The following CGGBP1 variants were observed in gnomAD, a reference collection of about 807,000 sequenced individuals.
CGGBP1 encodes the protein CGG triplet repeat binding protein 1.
In CGGBP1, 4 loss-of-function variants were observed where a neutral mutation model predicts 11.4. The ratio of observed to expected loss-of-function variants is 0.35; its 90% CI spans 0.17 to 0.80. The LOEUF is 0.80. CGGBP1 is among the 30% of genes least tolerant of loss of function. The pLI is 0.52. For missense variants in CGGBP1, 135 were observed against 202.1 expected, an observed-to-expected ratio of 0.67 and a Z score of 2.01; for synonymous variants, 76 against 74.1, an observed-to-expected ratio of 1.03 and a Z score of -0.13.
At chr3:88,139,761 G>A (rs1707004030) in intron 2 of CGGBP1, 1 of 1,554,430 alleles carries the variant, frequency 6.4e-7, no homozygotes, top group African/African-American at 1.4e-5. Flanking sequence ...TGAATGTGGG[G>A]ATGATTATGA....
intron 2 of CGGBP1, among the ~76,000 whole-genome samples, chr3:88,130,202 C>T (rs1706362326): frequency 1.3e-5 from 2 of 152,044 alleles, no homozygotes. Context: ...AAAATAAAAA[C>T]ACTCTTCAGG....
chr3:88,119,507 AATGTGCACG>A (rs1391982677), intron 2 of CGGBP1, among the ~76,000 whole-genome samples: 1 of 151,168 alleles, frequency 6.6e-6, no homozygotes, highest in Non-Finnish European at 1.5e-5. Context: ...TAACCTGCAC[AATGTGCACG>A]TGTACCCTAA....
intron 2 of CGGBP1, among the ~76,000 whole-genome samples, chr3:88,094,486 GTA>G (rs1703939087): frequency 1.3e-5 from 2 of 152,066 alleles, no homozygotes; most frequent in Admixed American, 1.3e-4. Flanking sequence ...ACCTACATTA[GTA>G]TTTATATCAG....
At chr3:88,090,742 G>T (rs189645966) in intron 2 of CGGBP1, among the ~76,000 whole-genome samples, 375 of 152,234 alleles carry the variant, frequency 2.5e-3, no homozygotes, top group Non-Finnish European at 4.2e-3. Flanking sequence ...CACATAAACA[G>T]CTTTTATCTT....
At chr3:88,142,663 GA>G (rs1421845784) in intron 1 of CGGBP1, 2 of 152,268 alleles carry the variant, frequency 1.3e-5, no homozygotes, top group Non-Finnish European at 3.0e-5. Context: ...ATCAGGTTGA[GA>G]AATCATTCAT....
At chr3:88,060,232 C>T (rs1681769028), upstream of CGGBP1, among the ~76,000 whole-genome samples, 1 of 152,134 alleles carries the variant, frequency 6.6e-6, no homozygotes, top group Non-Finnish European at 1.5e-5. Context: ...CCCCCCTCAT[C>T]CTTCAATATA....
chr3:88,110,094 A>G (rs1704997969), intron 2 of CGGBP1, among the ~76,000 whole-genome samples: 2 of 152,154 alleles, frequency 1.3e-5, no homozygotes, highest in South Asian at 4.1e-4. Context: ...TAATGGTTGT[A>G]CTATGTTATT....
chr3:88,091,970 G>T (rs1708655511), intron 2 of CGGBP1, among the ~76,000 whole-genome samples: 1 of 152,256 alleles, frequency 6.6e-6, no homozygotes, highest in Admixed American at 6.5e-5. Context: ...TACTGCCCAT[G>T]TAAAAAATAA....
At chr3:88,117,917 T>A (rs1553698463) in intron 2 of CGGBP1, among the ~76,000 whole-genome samples, 1 of 149,272 alleles carries the variant, frequency 6.7e-6, no homozygotes, top group Non-Finnish European at 1.5e-5. Context: ...TGTCTGGAAC[T>A]TACCAGTACT....
chr3:88,055,211 AT>A lies in CGGBP1; in HGVS notation c.*261del. 1 of 311,528 alleles carries A rather than the reference AT, an allele frequency of 3.2e-6. No individual in the cohort carries two copies. The highest frequency in any genetic ancestry group is 5.8e-6 in the Non-Finnish European group (1 of 171,248). The allele number at this position is 311,528 out of a possible 1,614,324, so 19.3% of individuals were successfully genotyped here. A position where few individuals can be genotyped will look rare whatever the true frequency, so the allele number is the denominator to read the frequency against. On this transcript the variant is annotated 3_prime_UTR_variant, in exon 4 of 4. Coordinates refer to ENST00000482016, the MANE Select transcript of CGGBP1 (RefSeq NM_001008390.2). This position sits in a 1 kb window ranked among gnomAD's most constrained non-coding sequence, Gnocchi z 4.2. The stretch of plus-strand genomic sequence containing the variant: ...GCACAAACATTTCAGGAGAAAAACC[AT>A]TAATTTTAAAGATAACCATCAGGTT...
rs1008900028 is a variant in CGGBP1 at position 88,139,706 on chromosome 3, T to C, written c.-229+1264A>G. On this transcript the variant is annotated intron_variant, in intron 2 of 3. Coordinates refer to the CGGBP1 transcript ENST00000462901. ...ATGTTATTGAAAATGTTATTGAAAA[T>C]GGCAGTCCTAATAATTCTTTAAATA... The C allele has an allele frequency of 7.0e-6, 11 of 1,576,910 alleles. No individual in the cohort carries two copies. The African/African-American group carries it at 8.1e-5, about 12-fold the overall frequency.
chr3:88,121,946 A>C (rs976222956), intron 2 of CGGBP1, among the ~76,000 whole-genome samples: 1 of 152,168 alleles, frequency 6.6e-6, no homozygotes, highest in Non-Finnish European at 1.5e-5. Context: ...AAAGTTACTT[A>C]TTATTGAGAA....
At chr3:88,057,663 ACTTT>A (rs1706589358) in intron 2 of CGGBP1, 1 of 152,226 alleles carries the variant, frequency 6.6e-6, no homozygotes, top group South Asian at 2.1e-4. Flanking sequence ...GTTAAGTCTT[ACTTT>A]CTATGTAAAA....
In CGGBP1 at chr3:88,058,139, TCA is replaced by T. The variant is rs1055178243; in HGVS notation, c.-248_-247del. ...GTTCAACCCCGGAGATGCCTTCAAA[TCA>T]GTTTTTCAACAAGTGGTGGTGGGGA... On this transcript the variant is annotated 5_prime_UTR_variant, in exon 2 of 4. It removes the in-frame stop codon of an upstream open reading frame in the 5' UTR. Transcript: ENST00000482016. 7 of 152,204 alleles carry T rather than the reference TCA, an allele frequency of 4.6e-5. No homozygotes were observed. The highest frequency in any genetic ancestry group is 1.4e-4 in the African/African-American group (6 of 41,440). The allele number at this position is 152,204 out of a possible 1,614,324, so 9.4% of individuals were successfully genotyped here.
chr3:88,060,115 T>C (rs1409666362), upstream of CGGBP1, among the ~76,000 whole-genome samples: 1 of 152,082 alleles, frequency 6.6e-6, no homozygotes, highest in Non-Finnish European at 1.5e-5. Flanking sequence ...GCAATGTGAT[T>C]GTCTTTTTTT....
rs1489124669 is a variant in CGGBP1 at position 88,141,706 on chromosome 3, AT to A, written c.-337-629del. ...CAAGCAGTAGTGTGAAAAAAGCACT[AT>A]AAGAAAATGCATCATCAGTTTGCTA... On this transcript the variant is annotated intron_variant, in intron 1 of 3. Coordinates refer to the CGGBP1 transcript ENST00000462901. 6 of 1,379,248 alleles carry A rather than the reference AT, an allele frequency of 4.4e-6. No individual in the cohort carries two copies. The African/African-American group carries it at 7.2e-5, about 16-fold the overall frequency. 85.4% of individuals were successfully genotyped at this position (1,379,248 alleles called of 1,614,324 possible). A position where few individuals can be genotyped will look rare whatever the true frequency, so the allele number is the denominator to read the frequency against.
At chr3:88,065,150 G>GGATA (rs1309175939) in intron 2 of CGGBP1, among the ~76,000 whole-genome samples, 1 of 152,082 alleles carries the variant, frequency 6.6e-6, no homozygotes, top group East Asian at 1.9e-4. Context: ...GGCACATTTG[G>GGATA]GATATTTCAA....
upstream of CGGBP1, chr3:88,059,150 A>G (rs976193227): frequency 2.3e-6 from 3 of 1,298,582 alleles, no homozygotes; most frequent in African/African-American, 3.0e-5. Context: ...TCCAATAAAA[A>G]CTGGGGGCGT....
rs552820383 is a variant in CGGBP1, at chr3:88,127,594, TAGACAA to T, written c.-229+13370_-229+13375del. 6.3e-3 allele frequency among the ~76,000 whole-genome samples: 961 copies of T among 152,182 alleles called. 6 individuals are homozygous for T. The highest frequency in any genetic ancestry group is 0.011 in the Non-Finnish European group (723 of 68,016). ...TGCATGTGCCCAGAGGGGAAGAAGC[TAGACAA>T]AGACAGAGTTTCAAGAGAAGTGAGG... On this transcript the variant is annotated intron_variant, in intron 2 of 3. Transcript: ENST00000462901.
Sources: allele counts gnomAD v4.1 joint callset (sites outside exome capture counted in the v4.1 genomes callset), GRCh38; gene constraint gnomAD v4.1.1; non-coding constraint Gnocchi (gnomAD v3.1); transcripts MANE v1.5; gene names NCBI Gene and HGNC (gene_info 2026-07-23, HGNC 2026-07-21).